The following BANP variants were observed in gnomAD, a reference collection of about 807,000 sequenced individuals.
The protein encoded by BANP is protein BANP.
BANP carries 11 observed loss-of-function variants against 68.1 expected under a neutral mutation model. That is an observed-to-expected ratio of 0.16 (90% CI 0.10 to 0.27). The LOEUF is 0.27. Ranked by LOEUF, BANP falls within the 10% of genes least tolerant of loss-of-function variation. BANP has a pLI of 1.00. For missense variants in BANP, 504 were observed against 722.7 expected (o/e 0.70, Z 3.47); for synonymous variants, 329 against 303.2 (o/e 1.09, Z -0.88).
intron 11 of BANP, among the ~76,000 whole-genome samples, chr16:88,055,354 T>G (rs1479248878): frequency 6.6e-6 from 1 of 152,150 alleles, no homozygotes; most frequent in Non-Finnish European, 1.5e-5. Context: ...TTAGTAAAGT[T>G]AAGCAAAGCA....
At chr16:88,058,138 A>T (rs1598969923) in intron 11 of BANP, among the ~76,000 whole-genome samples, 2 of 152,310 alleles carry the variant, frequency 1.3e-5, no homozygotes, top group South Asian at 2.1e-4. Context: ...TAGATGCAGG[A>T]CTGTGCCCGT....
At chr16:87,962,237 C>G (rs1442525214) in intron 1 of BANP, among the ~76,000 whole-genome samples, 3 of 19,246 alleles carry the variant, frequency 1.6e-4, no homozygotes, top group African/African-American at 1.0e-3. Context: ...GAGACTTGGT[C>G]TCAAAAAAAA....
rs908188118 is a variant in BANP, at chr16:87,961,409, A to AC, written c.-69+9901dup. Among the ~76,000 whole-genome samples, 62 of 130,286 alleles carry AC rather than the reference A, an allele frequency of 4.8e-4. 4 individuals are homozygous for AC. The highest frequency in any genetic ancestry group is 9.5e-4 in the Non-Finnish European group (53 of 55,564). 85.5% of individuals were successfully genotyped at this position (130,286 alleles called of 152,430 possible). On this transcript the variant is annotated intron_variant, in intron 1 of 13. Coordinates refer to ENST00000682872, the MANE Select transcript of BANP (RefSeq NM_001386991.1). Reference sequence around the variant, plus strand: ...GAACTCCTGGACTCACAGAATCTGCACCCCCCCGGGCCTCCCAAAGTGCTG... The same window carrying AC: ...GAACTCCTGGACTCACAGAATCTGCACCCCCCCCGGGCCTCCCAAAGTGCTG...
At chr16:88,010,939 T>C (rs998331290) in intron 6 of BANP, among the ~76,000 whole-genome samples, 2 of 42,864 alleles carry the variant, frequency 4.7e-5, no homozygotes, top group Non-Finnish European at 8.7e-5. Context: ...ATTCATCTTA[T>C]GTAAGTGTTT....
intron 11 of BANP, among the ~76,000 whole-genome samples, chr16:88,062,976 G>A (rs1258885563): frequency 6.6e-6 from 1 of 152,196 alleles, no homozygotes; most frequent in Non-Finnish European, 1.5e-5. Flanking sequence ...CATTTTTGCT[G>A]CTTCACGTTT....
chr16:87,964,849 G>T (rs1355406353), intron 1 of BANP, among the ~76,000 whole-genome samples: 3 of 152,200 alleles, frequency 2.0e-5, no homozygotes, highest in Non-Finnish European at 4.4e-5. Flanking sequence ...AGTAGGTGTT[G>T]CCTTAAATTG....
Position 88,003,670 on chromosome 16 carries a change from G to T in BANP, c.363-625G>T, listed in dbSNP as rs886495210. On this transcript the variant is annotated intron_variant, in intron 4 of 13. Coordinates refer to ENST00000682872, the MANE Select transcript of BANP (RefSeq NM_001386991.1). The surrounding 1 kb of genome is among the most constrained non-coding windows in gnomAD (Gnocchi z 6.1). Reference sequence around the variant, plus strand: ...CTTGCTGGTTTCTGGGCCATGGTCTGTTCTTTTGTAGAATCTTTTCCTTCA... The same window carrying T: ...CTTGCTGGTTTCTGGGCCATGGTCTTTTCTTTTGTAGAATCTTTTCCTTCA... 6 of 371,264 alleles carry T rather than the reference G, an allele frequency of 1.6e-5. No individual in the cohort carries two copies. The highest frequency in any genetic ancestry group is 3.2e-5 in the Non-Finnish European group (6 of 189,288). 23.0% of individuals were successfully genotyped at this position (371,264 alleles called of 1,614,324 possible).
At chr16:88,019,018 G>A (rs1266987123) in intron 7 of BANP, among the ~76,000 whole-genome samples, 1 of 80,272 alleles carries the variant, frequency 1.2e-5, no homozygotes, top group Non-Finnish European at 3.9e-5. Context: ...TCCTGGCCAC[G>A]CTGACCCAGG....
At chr16:88,053,571 C>T (rs2083947769) in intron 11 of BANP, among the ~76,000 whole-genome samples, 1 of 138,702 alleles carries the variant, frequency 7.2e-6, no homozygotes. Context: ...CCACCATCAT[C>T]TCCATCATCA....
chr16:87,953,116 G>T (rs1186663622), intron 1 of BANP, among the ~76,000 whole-genome samples: 1 of 151,912 alleles, frequency 6.6e-6, no homozygotes, highest in Non-Finnish European at 1.5e-5. Context: ...AGGTGACTAG[G>T]CCCGCAGACA....
Position 87,975,051 on chromosome 16 carries a change from A to T in BANP, c.-65A>T. 8 of 1,441,220 alleles carry T rather than the reference A, an allele frequency of 5.6e-6. No individual in the cohort carries two copies. The highest frequency in any genetic ancestry group is 7.8e-6 in the Non-Finnish European group (8 of 1,026,214). 89.3% of individuals were successfully genotyped at this position (1,441,220 alleles called of 1,614,324 possible). ...CTCCTTTGCTTCTGTTTGGTAGGTG[A>T]CCAAAAGCCAGCCCCACTGTGAGTT... is the stretch of plus-strand genomic sequence containing the variant. On this transcript the variant is annotated 5_prime_UTR_variant, in exon 2 of 14. Transcript: ENST00000682872.
chr16:87,984,959 C>G (rs1487616559), intron 4 of BANP, among the ~76,000 whole-genome samples: 1 of 152,216 alleles, frequency 6.6e-6, no homozygotes, highest in African/African-American at 2.4e-5. Context: ...GCGCTACTCA[C>G]TTCAGGTTCC....
chr16:87,959,359 C>T lies in BANP; in HGVS notation c.-69+7844C>T, dbSNP rs556024216. ...GCATAGAAGCAGGTGGAGAGCTGGG[C>T]TGGGTTGTGGGCCCTCACGTGCCAC... On this transcript the variant is annotated intron_variant, in intron 1 of 13. Transcript: ENST00000682872. 1.7e-4 allele frequency among the ~76,000 whole-genome samples: 26 copies of T among 152,376 alleles called. 1 individual carries two copies. The highest frequency in any genetic ancestry group is 7.2e-5 in the African/African-American group (3 of 41,594).
intron 3 of BANP, chr16:87,982,534 G>A (rs888587532): frequency 2.0e-5 from 3 of 152,236 alleles, no homozygotes; most frequent in Non-Finnish European, 2.9e-5. Flanking sequence ...TGTTTGTCAT[G>A]CCAGGGACCG....
chr16:88,059,362 C>T (rs984373292), intron 11 of BANP, among the ~76,000 whole-genome samples: 1 of 152,070 alleles, frequency 6.6e-6, no homozygotes, highest in Admixed American at 6.5e-5. Context: ...CTCTGCCTCT[C>T]CTCTGCTTCT....
intron 2 of BANP, among the ~76,000 whole-genome samples, chr16:87,976,941 T>A (rs1420062933): frequency 2.0e-5 from 3 of 152,204 alleles, no homozygotes; most frequent in Non-Finnish European, 4.4e-5. Flanking sequence ...AGTGTTCCAG[T>A]TACATCATTT....
At chr16:88,028,380 C>T (rs1307983536) in intron 8 of BANP, among the ~76,000 whole-genome samples, 3 of 152,186 alleles carry the variant, frequency 2.0e-5, no homozygotes, top group Non-Finnish European at 4.4e-5. Flanking sequence ...TCTGGAAGTC[C>T]TGGGAGTTGC....
At chr16:88,059,299 T>C (rs1423085029) in intron 11 of BANP, among the ~76,000 whole-genome samples, 1 of 151,816 alleles carries the variant, frequency 6.6e-6, no homozygotes, top group Non-Finnish European at 1.5e-5. Context: ...GGGCACTGCC[T>C]TCCCTCTCGG....
chr16:88,020,229 T>TTAGC (rs1670936980), intron 7 of BANP, among the ~76,000 whole-genome samples: 2 of 152,222 alleles, frequency 1.3e-5, no homozygotes, highest in South Asian at 4.1e-4. Context: ...GTTCAACTGC[T>TTAGC]TAGCTCTGAA....
Sources: allele counts gnomAD v4.1 joint callset (sites outside exome capture counted in the v4.1 genomes callset), GRCh38; gene constraint gnomAD v4.1.1; non-coding constraint Gnocchi (gnomAD v3.1); transcripts MANE v1.5; gene names NCBI Gene and HGNC (gene_info 2026-07-23, HGNC 2026-07-21).